LDLRAD3: variants seen among roughly 807,000 people sequenced by gnomAD.
LDLRAD3 encodes the protein low-density lipoprotein receptor class A domain-containing protein 3.
Under a neutral mutation model 29.4 loss-of-function variants are expected in LDLRAD3, and 20 were observed. The observed-to-expected ratio is 0.68, with a 90% confidence interval of 0.48 to 0.99. The LOEUF (loss-of-function observed/expected upper bound fraction) is 0.99. Among genes scored for constraint, LDLRAD3 ranks in the 50% least tolerant of loss-of-function variants. The pLI, the probability that LDLRAD3 is intolerant of heterozygous loss-of-function variation, is 0.00. For synonymous variants in LDLRAD3, 157 were observed against 192.7 expected (o/e 0.81, Z 1.53); for missense variants, 420 against 454.3 (o/e 0.92, Z 0.69).
chr11:35,953,060 A>G (rs1851157105), intron 1 of LDLRAD3, among the ~76,000 whole-genome samples: 1 of 152,158 alleles, frequency 6.6e-6, no homozygotes, highest in South Asian at 2.1e-4. Context: ...AGCAGAGTGA[A>G]CCCCAGGATT....
intron 4 of LDLRAD3, among the ~76,000 whole-genome samples, chr11:36,180,621 T>C (rs77433954): frequency 9.3e-4 from 142 of 152,230 alleles, no homozygotes; most frequent in African/African-American, 3.4e-3. Context: ...TGGACAGTTT[T>C]GAGTGGAGGA....
At chr11:36,069,952 G>T (rs182390875) in intron 2 of LDLRAD3, among the ~76,000 whole-genome samples, 1 of 152,152 alleles carries the variant, frequency 6.6e-6, no homozygotes, top group Non-Finnish European at 1.5e-5. Flanking sequence ...CTAGACCGTG[G>T]CCGACCTCAG....
chr11:36,039,945 T>G (rs1852358928), intron 2 of LDLRAD3, among the ~76,000 whole-genome samples: 1 of 152,230 alleles, frequency 6.6e-6, no homozygotes, highest in Non-Finnish European at 1.5e-5. Context: ...TTGACCACCT[T>G]TTCAAGGATG....
At chr11:36,022,019 T>C (rs949421466) in intron 1 of LDLRAD3, among the ~76,000 whole-genome samples, 1 of 152,174 alleles carries the variant, frequency 6.6e-6, no homozygotes, top group Non-Finnish European at 1.5e-5. Context: ...AGTGTCTTGA[T>C]ATTGAGCTGC....
intron 1 of LDLRAD3, among the ~76,000 whole-genome samples, chr11:36,008,507 A>G (rs1851912942): frequency 6.6e-6 from 1 of 152,200 alleles, no homozygotes; most frequent in East Asian, 1.9e-4. Flanking sequence ...ATGTAACTTT[A>G]AATGCTCCTA....
At chr11:35,993,847 T>C (rs1366902655) in intron 1 of LDLRAD3, among the ~76,000 whole-genome samples, 1 of 152,150 alleles carries the variant, frequency 6.6e-6, no homozygotes, top group African/African-American at 2.4e-5. Context: ...GTCTGTTTTT[T>C]TTCCACCAAG....
intron 3 of LDLRAD3, among the ~76,000 whole-genome samples, chr11:36,084,346 G>A (rs1345820835): frequency 2.6e-5 from 4 of 152,148 alleles, no homozygotes; most frequent in African/African-American, 9.7e-5. Flanking sequence ...AGCCGGGCGA[G>A]GTGGGGCACC....
At chr11:36,182,070 A>G (rs1854772860) in intron 4 of LDLRAD3, among the ~76,000 whole-genome samples, 1 of 152,206 alleles carries the variant, frequency 6.6e-6, no homozygotes, top group East Asian at 1.9e-4. Context: ...TGGCCTTGAC[A>G]CTGATCTGAG....
chr11:36,202,946 T>G (rs1855149039), intron 4 of LDLRAD3, among the ~76,000 whole-genome samples: 2 of 152,288 alleles, frequency 1.3e-5, no homozygotes, highest in East Asian at 1.9e-4. Context: ...GTGTTTTTAT[T>G]TGTCTTAAGA....
At chr11:36,005,627 TG>T (rs1851875626) in intron 1 of LDLRAD3, among the ~76,000 whole-genome samples, 11 of 152,230 alleles carry the variant, frequency 7.2e-5, no homozygotes, top group African/African-American at 2.7e-4. Context: ...CACTTTCACA[TG>T]TTCTGGTATC....
intron 4 of LDLRAD3, among the ~76,000 whole-genome samples, chr11:36,166,788 A>C (rs934235355): frequency 5.9e-5 from 9 of 152,164 alleles, no homozygotes; most frequent in African/African-American, 2.2e-4. Flanking sequence ...TGTTAAAATG[A>C]AGATTCTGAT....
At chr11:35,986,808 C>T (rs1851620392) in intron 1 of LDLRAD3, among the ~76,000 whole-genome samples, 1 of 152,230 alleles carries the variant, frequency 6.6e-6, no homozygotes, top group African/African-American at 2.4e-5. Flanking sequence ...AGATGAGTAT[C>T]ACTCTCTGCC....
In LDLRAD3 at chr11:35,944,243, C is replaced by G. The variant is rs1851025769; in HGVS notation, c.46+99C>G. The G allele has an allele frequency of 9.4e-6, 7 of 741,010 alleles. 1 individual carries two copies. The highest frequency in any genetic ancestry group is 6.6e-4 in the Middle Eastern group (1 of 1,504). 45.9% of individuals were successfully genotyped at this position (741,010 alleles called of 1,614,324 possible). A position where few individuals can be genotyped will look rare whatever the true frequency, so the allele number is the denominator to read the frequency against. ...GATCGCGTCCTCTCCCGGGCGCGGG[C>G]CGCTCTCCGGGCGTGGGTGAGCGCG... is the stretch of plus-strand genomic sequence containing the variant. On this transcript the variant is annotated intron_variant, in intron 1 of 5. Coordinates refer to ENST00000315571, the MANE Select transcript of LDLRAD3 (RefSeq NM_174902.4). The surrounding 1 kb of genome is among the most constrained non-coding windows in gnomAD (Gnocchi z 4.9).
At chr11:36,036,462 G>A (rs533980511) in intron 2 of LDLRAD3, among the ~76,000 whole-genome samples, 1 of 152,150 alleles carries the variant, frequency 6.6e-6, no homozygotes, top group Non-Finnish European at 1.5e-5. Flanking sequence ...TGGAGCCAAC[G>A]CTTTGAGAGA....
chr11:36,160,618 A>G (rs750842730), intron 4 of LDLRAD3, among the ~76,000 whole-genome samples: 27 of 152,014 alleles, frequency 1.8e-4, no homozygotes, highest in Middle Eastern at 3.2e-3. Context: ...GTCAGAGAGG[A>G]TCTTTGAATA....
intron 1 of LDLRAD3, among the ~76,000 whole-genome samples, chr11:35,952,271 T>C (rs1262127619): frequency 6.6e-6 from 1 of 152,206 alleles, no homozygotes; most frequent in Admixed American, 6.5e-5. Context: ...TGGTATAGAA[T>C]AGAAATCCAA....
intron 4 of LDLRAD3, among the ~76,000 whole-genome samples, chr11:36,140,952 C>T (rs1213114549): frequency 6.8e-6 from 1 of 148,036 alleles, no homozygotes; most frequent in African/African-American, 2.5e-5. Context: ...GGAAATGTGA[C>T]AAAATCCTAG....
intron 4 of LDLRAD3, among the ~76,000 whole-genome samples, chr11:36,202,265 T>C (rs1007826999): frequency 6.6e-6 from 1 of 152,148 alleles, no homozygotes; most frequent in African/African-American, 2.4e-5. Context: ...CTCAAACTCC[T>C]GACCTCAGGT....
intron 4 of LDLRAD3, among the ~76,000 whole-genome samples, chr11:36,182,793 C>T (rs967618471): frequency 5.3e-5 from 8 of 152,202 alleles, no homozygotes; most frequent in African/African-American, 1.9e-4. Context: ...CACAGACATC[C>T]CCCTTCATCT....
Sources: gnomAD v4.1 joint callset for allele counts (sites outside exome capture counted in the v4.1 genomes callset) on GRCh38, gnomAD v4.1.1 for gene constraint, Gnocchi (gnomAD v3.1) non-coding constraint, MANE v1.5 for transcripts, NCBI Gene and HGNC (gene_info 2026-07-23, HGNC 2026-07-21) for gene names.